SLC4A1AP: variants seen among roughly 807,000 people sequenced by gnomAD.
The protein encoded by SLC4A1AP is kanadaptin.
In SLC4A1AP, 64 loss-of-function variants were observed where a neutral mutation model predicts 89.7. That is an observed-to-expected ratio of 0.71 (90% CI 0.58 to 0.88). The LOEUF is 0.88. SLC4A1AP is among the 40% of genes least tolerant of loss of function. The pLI is 0.00. For synonymous variants in SLC4A1AP, 366 were observed against 353.3 expected (o/e 1.04, Z -0.40); for missense variants, 931 against 965.0 (o/e 0.96, Z 0.47).
chr2:27,675,550 C>T, exon 6 of SLC4A1AP: 1 of 1,588,864 alleles, frequency 6.3e-7, no homozygotes, highest in South Asian at 1.2e-5. Flanking sequence ...AAAAGGAAAG[C>T]CAAGAACTGG....
chr2:27,669,389 T>G lies in SLC4A1AP; in HGVS notation c.1345+2T>G. On this transcript the variant is annotated splice_donor_variant, in intron 5 of 13. Transcript: ENST00000613058. LOFTEE classifies it high-confidence loss of function. ...TGGGATTGCTTCGGCAGGAAGCAGG[T>G]CAGTATATAGGAGCCCTTTTTTTCT... 1 of 1,605,736 alleles carries G rather than the reference T, an allele frequency of 6.2e-7. No homozygotes were observed. Among genetic ancestry groups the G allele is most frequent in the Non-Finnish European group, 8.5e-7 (1 of 1,177,846 alleles).
At chr2:27,694,263 A>T (rs1388459077) in intron 13 of SLC4A1AP, among the ~76,000 whole-genome samples, 1 of 152,316 alleles carries the variant, frequency 6.6e-6, no homozygotes, top group African/African-American at 2.4e-5. Context: ...GATCAAAGGT[A>T]TAAACATTTT....
intron 3 of SLC4A1AP, 64 bp from the exon 4 acceptor site, chr2:27,668,779 T>G: frequency 7.1e-7 from 1 of 1,401,080 alleles, no homozygotes; most frequent in Non-Finnish European, 1.0e-6. Flanking sequence ...TTCTCATTTA[T>G]CATTGTATCA....
chr2:27,683,860 C>G (rs908651100), intron 9 of SLC4A1AP, among the ~76,000 whole-genome samples: 4 of 152,030 alleles, frequency 2.6e-5, no homozygotes, highest in African/African-American at 4.8e-5. Flanking sequence ...CTCAGCTTCC[C>G]GAGTAGCTGG....
At chr2:27,666,694 T>TA (rs144307003) in intron 2 of SLC4A1AP, among the ~76,000 whole-genome samples, 1,817 of 151,972 alleles carry the variant, frequency 0.012, 35 homozygotes, top group African/African-American at 0.041. Flanking sequence ...ATTTTACTTT[T>TA]AAAATATAAT....
rs1675727467 is a variant in SLC4A1AP, at chr2:27,687,903, T to C, written c.2117-31T>C. 1.9e-6 allele frequency: 3 copies of C among 1,546,744 alleles called. No individual in the cohort carries two copies. The East Asian group carries it at 6.8e-5, about 35-fold the overall frequency. The stretch of plus-strand genomic sequence containing the variant: ...TGGCTTTCCACCATGAATTAAATCA[T>C]GACAATATGATTTGATATTGCTTTT... On this transcript the variant is annotated intron_variant, in intron 10 of 13. Coordinates refer to ENST00000613058, the Ensembl canonical transcript of SLC4A1AP.
chr2:27,676,828 T>A (rs1234996377), intron 6 of SLC4A1AP, among the ~76,000 whole-genome samples: 2 of 110,992 alleles, frequency 1.8e-5, no homozygotes, highest in African/African-American at 3.4e-5. Context: ...AGACTCCATC[T>A]CAAAAAAAAA....
exon 1 of SLC4A1AP, chr2:27,664,359 C>T (rs1558504002): frequency 6.2e-7 from 1 of 1,614,212 alleles, no homozygotes; most frequent in African/African-American, 1.3e-5. Context: ...GTGCCTGGAG[C>T]ACCCTTCGGT....
intron 5 of SLC4A1AP, among the ~76,000 whole-genome samples, chr2:27,670,316 C>CG (rs1675401334): frequency 1.3e-5 from 2 of 151,764 alleles, no homozygotes; most frequent in Non-Finnish European, 2.9e-5. Context: ...AATATTACAT[C>CG]AATACATTAA....
At chr2:27,664,553 C>G (rs182755840) in exon 1 of SLC4A1AP, 42 of 1,611,772 alleles carry the variant, frequency 2.6e-5, no homozygotes, top group Non-Finnish European at 3.4e-5. Flanking sequence ...GCTTTGGAGG[C>G]AGCACCCGGC....
intron 8 of SLC4A1AP, 34 bp from the exon 9 acceptor site, chr2:27,682,214 G>A: frequency 1.4e-6 from 2 of 1,421,296 alleles, no homozygotes; most frequent in Non-Finnish European, 2.0e-6. Context: ...GGGACTCCCT[G>A]GAATAGATGT....
chr2:27,666,557 C>G (rs1437071700), intron 2 of SLC4A1AP, among the ~76,000 whole-genome samples: 1 of 151,916 alleles, frequency 6.6e-6, no homozygotes, highest in Non-Finnish European at 1.5e-5. Context: ...TGTGAGTAGA[C>G]CAGTCTATTT....
intron 6 of SLC4A1AP, among the ~76,000 whole-genome samples, chr2:27,676,210 G>A (rs1309633161): frequency 6.6e-6 from 1 of 152,160 alleles, no homozygotes; most frequent in Non-Finnish European, 1.5e-5. Context: ...TGCAGAGCTT[G>A]ACCAGAATAT....
chr2:27,671,365 T>G (rs1675425760), intron 5 of SLC4A1AP, among the ~76,000 whole-genome samples: 1 of 152,220 alleles, frequency 6.6e-6, no homozygotes, highest in Non-Finnish European at 1.5e-5. Flanking sequence ...ACTGAGCAGT[T>G]TTATTTCTTT....
chr2:27,686,013 C>T (rs1675700476), intron 10 of SLC4A1AP, among the ~76,000 whole-genome samples: 1 of 152,172 alleles, frequency 6.6e-6, no homozygotes. Context: ...CCTTTCATCC[C>T]TTGTCAACTG....
At chr2:27,676,255 A>G (rs1159567547) in intron 6 of SLC4A1AP, among the ~76,000 whole-genome samples, 1 of 152,214 alleles carries the variant, frequency 6.6e-6, no homozygotes, top group Non-Finnish European at 1.5e-5. Flanking sequence ...GGAATGTACA[A>G]TACAACCTTT....
At chr2:27,672,587 T>C (rs1049978015) in intron 5 of SLC4A1AP, among the ~76,000 whole-genome samples, 3 of 152,194 alleles carry the variant, frequency 2.0e-5, no homozygotes, top group Non-Finnish European at 2.9e-5. Flanking sequence ...TTTCTTTTTA[T>C]GTGGTCTCTG....
intron 5 of SLC4A1AP, among the ~76,000 whole-genome samples, chr2:27,670,948 G>GA (rs2148132539): frequency 7.2e-6 from 1 of 138,430 alleles, no homozygotes; most frequent in Non-Finnish European, 1.6e-5. Flanking sequence ...TTTTGAGATG[G>GA]AGTCTCACTC....
intron 5 of SLC4A1AP, among the ~76,000 whole-genome samples, chr2:27,674,189 A>G (rs1675478450): frequency 6.6e-6 from 1 of 152,160 alleles, no homozygotes; most frequent in African/African-American, 2.4e-5. Flanking sequence ...TCTAAATATA[A>G]ATATGAGGGA....
Sources: allele counts gnomAD v4.1 joint callset (sites outside exome capture counted in the v4.1 genomes callset), GRCh38; gene constraint gnomAD v4.1.1; transcripts MANE v1.5; gene names NCBI Gene and HGNC (gene_info 2026-07-23, HGNC 2026-07-21).